RYR3: variants seen among roughly 807,000 people sequenced by gnomAD.
RYR3 encodes brain ryanodine receptor-calcium release channel.
Under a neutral mutation model 584.3 loss-of-function variants are expected in RYR3, and 207 were observed. The ratio of observed to expected loss-of-function variants is 0.35; its 90% CI spans 0.32 to 0.40. The LOEUF is 0.40. Ranked by LOEUF, RYR3 falls within the 10% of genes least tolerant of loss-of-function variation. RYR3 has a pLI of 1.00. For synonymous variants in RYR3, 2,416 were observed against 2,248.5 expected, an observed-to-expected ratio of 1.07 and a Z score of -2.11; for missense variants, 5,616 against 6,089.2, an observed-to-expected ratio of 0.92 and a Z score of 2.59.
At chr15:33,594,013 A>T (rs1393294777) in intron 16 of RYR3, among the ~76,000 whole-genome samples, 2 of 152,214 alleles carry the variant, frequency 1.3e-5, no homozygotes, top group African/African-American at 4.8e-5. Flanking sequence ...CCCAGCCATG[A>T]ATTTGTACCA....
At chr15:33,715,253 G>T (rs2067410822) in intron 43 of RYR3, among the ~76,000 whole-genome samples, 1 of 152,176 alleles carries the variant, frequency 6.6e-6, no homozygotes, top group Non-Finnish European at 1.5e-5. Context: ...GAAAGGGCAT[G>T]TTAACCATTC....
In RYR3 at chr15:33,630,011, C is replaced by T. The variant is rs2152628063; in HGVS notation, c.2751C>T (p.Asn917=). The T allele has an allele frequency of 1.2e-6, 2 of 1,603,244 alleles. No homozygotes were observed. The highest frequency in any genetic ancestry group is 1.7e-6 in the Non-Finnish European group (2 of 1,174,462). ...EFSKLPETEK[N]YNLQMSTETL... ...CAAAGCTCCCAGAAACTGAGAAGAA[C>T]TATAACCTGCAAATGTCAACTGAAA... The change falls in exon 22 of 104, where the codon AAC becomes AAT. Residue 917 remains asparagine (N), a synonymous_variant. Transcript: ENST00000634891.
intron 1 of RYR3, among the ~76,000 whole-genome samples, chr15:33,406,946 G>T (rs1337982663): frequency 2.0e-5 from 3 of 152,180 alleles, no homozygotes; most frequent in African/African-American, 7.2e-5. Context: ...ATAAACAATA[G>T]AAATTTATCT....
At chr15:33,543,526 A>G in intron 7 of RYR3, 96 bp from the exon 8 acceptor site, 2 of 801,854 alleles carry the variant, frequency 2.5e-6, no homozygotes, top group Non-Finnish European at 4.4e-6. Context: ...TATTTACCGT[A>G]ACTGGCTCAG....
At chr15:33,734,980 C>T (rs571652676) in intron 48 of RYR3, among the ~76,000 whole-genome samples, 89 of 151,836 alleles carry the variant, frequency 5.9e-4, no homozygotes, top group African/African-American at 2.1e-3. Flanking sequence ...CGTGAGCCAC[C>T]GCGCCTGGCC....
chr15:33,852,044 C>G (rs1337844697), intron 94 of RYR3: 2 of 34,364 alleles, frequency 5.8e-5, no homozygotes, highest in Non-Finnish European at 1.4e-4. Context: ...TACTGCCACC[C>G]TGTTGGGGGA....
intron 67 of RYR3, among the ~76,000 whole-genome samples, chr15:33,800,421 C>T (rs556814282): frequency 3.3e-5 from 5 of 152,282 alleles, no homozygotes; most frequent in African/African-American, 1.2e-4. Flanking sequence ...TGTCCCAAAA[C>T]TTAGAGCTTA....
Position 33,601,433 on chromosome 15 carries a change from G to A in RYR3, c.1803G>A (p.Leu601=). ...HGRNHKVLDI[L]CSLCLCNGVA... is the part of the protein sequence containing the mutation. ...TCCTGCTGCAGGTTCTGGATATCCT[G>A]TGCTCCCTCTGTCTCTGCAATGGGG... The change falls in exon 17 of 104, where the codon CTG becomes CTA. Residue 601 remains leucine, a synonymous_variant. Coordinates refer to ENST00000634891, the MANE Select transcript of RYR3 (RefSeq NM_001036.6). 4 of 1,612,634 alleles carry A rather than the reference G, an allele frequency of 2.5e-6. No individual in the cohort carries two copies. Among genetic ancestry groups the A allele is most frequent in the Non-Finnish European group, 3.4e-6 (4 of 1,179,442 alleles).
At chr15:33,343,019 A>G (rs1972018836) in intron 1 of RYR3, among the ~76,000 whole-genome samples, 1 of 152,242 alleles carries the variant, frequency 6.6e-6, no homozygotes, top group African/African-American at 2.4e-5. Flanking sequence ...ACAGAAATGA[A>G]CATCCTTAAA....
intron 16 of RYR3, among the ~76,000 whole-genome samples, chr15:33,593,852 C>T (rs1383231754): frequency 6.6e-6 from 1 of 152,272 alleles, no homozygotes; most frequent in East Asian, 1.9e-4. Context: ...GAAGACAAAT[C>T]ATGGTAGGAC....
At chr15:33,471,428 G>A (rs1343700230) in intron 1 of RYR3, among the ~76,000 whole-genome samples, 1 of 151,986 alleles carries the variant, frequency 6.6e-6, no homozygotes, top group Admixed American at 6.6e-5. Flanking sequence ...TATAGGATGG[G>A]GAAATTTCAG....
chr15:33,720,601 C>T (rs1044640604), intron 43 of RYR3, among the ~76,000 whole-genome samples: 4 of 152,198 alleles, frequency 2.6e-5, no homozygotes, highest in Admixed American at 6.5e-5. Flanking sequence ...TGGTGGCTCA[C>T]GCCTGTAATC....
At chr15:33,433,326 G>C (rs958242393) in intron 1 of RYR3, among the ~76,000 whole-genome samples, 1 of 152,132 alleles carries the variant, frequency 6.6e-6, no homozygotes, top group Non-Finnish European at 1.5e-5. Context: ...TGTTAGGCAT[G>C]TCCCCCCAAA....
At chr15:33,338,976 G>A (rs1012033168) in intron 1 of RYR3, among the ~76,000 whole-genome samples, 1 of 152,182 alleles carries the variant, frequency 6.6e-6, no homozygotes, top group Non-Finnish European at 1.5e-5. Context: ...GCACATTAAG[G>A]ATAGCTGCAG....
At chr15:33,661,259 C>T (rs1312267960) in intron 34 of RYR3, among the ~76,000 whole-genome samples, 2 of 152,074 alleles carry the variant, frequency 1.3e-5, no homozygotes, top group East Asian at 3.9e-4. Context: ...GCCCTGGACC[C>T]ACACAAACAA....
At chr15:33,694,194 C>T (rs935309615) in intron 38 of RYR3, among the ~76,000 whole-genome samples, 1 of 149,938 alleles carries the variant, frequency 6.7e-6, no homozygotes, top group African/African-American at 2.4e-5. Context: ...TTCTTTTGTG[C>T]TCTCATTTAC....
intron 37 of RYR3, among the ~76,000 whole-genome samples, chr15:33,669,880 G>GGTGTGTGTGT (rs71117160): frequency 5.0e-4 from 52 of 103,490 alleles, no homozygotes; most frequent in East Asian, 9.0e-4. Flanking sequence ...GGGTGTGTGT[G>GGTGTGTGTGT]GTGTGTGTGT....
chr15:33,653,832 G>A (rs2062649643), intron 32 of RYR3, among the ~76,000 whole-genome samples: 1 of 152,160 alleles, frequency 6.6e-6, no homozygotes, highest in Admixed American at 6.5e-5. Context: ...GCCAGGTAAG[G>A]TTGGGAAACT....
At position 33,491,053 on chromosome 15, in the gene RYR3, A is replaced by G. The variant is rs141703565; in HGVS notation, c.172-12578A>G. On this transcript the variant is annotated intron_variant, in intron 2 of 103. Transcript: ENST00000634891. ...CTTTTTTTAAAAAAATAAACTGCCA[A>G]CAATTCTTATGCAGGTGGTCTACAG... Among the ~76,000 whole-genome samples, 190 of 152,298 alleles carry G rather than the reference A, an allele frequency of 1.2e-3. 2 individuals are homozygous for G. Among genetic ancestry groups the G allele is most frequent in the African/African-American group, 4.3e-3 (178 of 41,560 alleles).
Sources: gnomAD v4.1 joint callset for allele counts (sites outside exome capture counted in the v4.1 genomes callset) on GRCh38, gnomAD v4.1.1 for gene constraint, MANE v1.5 for transcripts, NCBI Gene and HGNC (gene_info 2026-07-23, HGNC 2026-07-21) for gene names.